Variants in TUSC3 observed in about 807,000 individuals in gnomAD.
TUSC3 encodes tumor suppressor candidate 3.
In TUSC3, 45 loss-of-function variants were observed where a neutral mutation model predicts 44.8. The ratio of observed to expected loss-of-function variants is 1.00; its 90% CI spans 0.79 to 1.29. The LOEUF (loss-of-function observed/expected upper bound fraction) is 1.29. Among genes scored for constraint, TUSC3 ranks in the 50% most tolerant of loss-of-function variants. TUSC3 has a pLI of 0.00. For synonymous variants in TUSC3, 212 were observed against 152.9 expected (o/e 1.39, Z -2.85); for missense variants, 519 against 437.9 (o/e 1.19, Z -1.65).
intron 8 of TUSC3, among the ~76,000 whole-genome samples, chr8:15,745,113 A>C (rs373461143): frequency 6.6e-6 from 1 of 151,956 alleles, no homozygotes; most frequent in African/African-American, 2.4e-5. Context: ...GATGTAAAGG[A>C]GATGATTTTG....
intron 2 of TUSC3, among the ~76,000 whole-genome samples, chr8:15,534,372 G>A (rs557556505): frequency 3.3e-5 from 5 of 152,122 alleles, no homozygotes; most frequent in Non-Finnish European, 7.4e-5. Flanking sequence ...GGCTGGGCGC[G>A]GTGACGCACA....
the TUSC3 span, among the ~76,000 whole-genome samples, chr8:15,820,985 T>G: frequency 1.1e-4 from 16 of 152,194 alleles, no homozygotes. Flanking sequence ...CTTTTGTTAC[T>G]CTTAACAAAA....
intron 1 of TUSC3, among the ~76,000 whole-genome samples, chr8:15,417,976 C>A (rs1433393884): frequency 1.3e-5 from 2 of 152,172 alleles, no homozygotes; most frequent in African/African-American, 2.4e-5. Flanking sequence ...TAAAACTCTA[C>A]ATGCCTGGGA....
At chr8:15,421,934 A>C (rs999897476) in intron 1 of TUSC3, among the ~76,000 whole-genome samples, 1 of 152,160 alleles carries the variant, frequency 6.6e-6, no homozygotes, top group Non-Finnish European at 1.5e-5. Flanking sequence ...TTCTTTTAAA[A>C]AATCACTGCC....
the TUSC3 span, among the ~76,000 whole-genome samples, chr8:15,773,653 A>G: frequency 6.6e-6 from 1 of 152,294 alleles, no homozygotes; most frequent in South Asian, 2.1e-4. Flanking sequence ...AACCAAGTTG[A>G]AAGACTCACA....
chr8:15,667,443 G>A (rs1807716663), intron 5 of TUSC3, among the ~76,000 whole-genome samples: 1 of 151,602 alleles, frequency 6.6e-6, no homozygotes, highest in African/African-American at 2.4e-5. Flanking sequence ...CATGTCTGCT[G>A]TTACTCTGCT....
chr8:15,499,583 A>C (rs1045272024), intron 2 of TUSC3, among the ~76,000 whole-genome samples: 7 of 152,222 alleles, frequency 4.6e-5, no homozygotes, highest in African/African-American at 9.6e-5. Context: ...AACATAATTT[A>C]TAATCCAATG....
chr8:15,660,578 A>G (rs1256241640), intron 4 of TUSC3, among the ~76,000 whole-genome samples: 2 of 151,964 alleles, frequency 1.3e-5, no homozygotes. Flanking sequence ...GCAGTAATAC[A>G]GAAGCATTAA....
intron 1 of TUSC3, among the ~76,000 whole-genome samples, chr8:15,439,013 C>G (rs769377855): frequency 8.5e-5 from 13 of 152,172 alleles, no homozygotes; most frequent in Non-Finnish European, 1.5e-4. Context: ...TCTATACCCT[C>G]TGACCGGAAG....
At chr8:15,675,830 A>G (rs1393619613) in intron 6 of TUSC3, among the ~76,000 whole-genome samples, 1 of 152,068 alleles carries the variant, frequency 6.6e-6, no homozygotes, top group Non-Finnish European at 1.5e-5. Context: ...TTCTTTATCC[A>G]CACTGTGGAT....
At chr8:15,736,179 T>G (rs1811476592) in intron 7 of TUSC3, among the ~76,000 whole-genome samples, 1 of 152,168 alleles carries the variant, frequency 6.6e-6, no homozygotes, top group Non-Finnish European at 1.5e-5. Context: ...TCACAAAACC[T>G]GACAAGATGT....
chr8:15,659,863 A>G (rs976817661), intron 4 of TUSC3, among the ~76,000 whole-genome samples: 1 of 152,130 alleles, frequency 6.6e-6, no homozygotes, highest in Admixed American at 6.6e-5. Flanking sequence ...AAAGCCATTA[A>G]AAATACAGGA....
intron 5 of TUSC3, among the ~76,000 whole-genome samples, chr8:15,663,328 T>C (rs1807510502): frequency 6.6e-6 from 1 of 151,808 alleles, no homozygotes; most frequent in Admixed American, 6.6e-5. Flanking sequence ...ATATTAAAGA[T>C]ATAACTACAT....
intron 6 of TUSC3, among the ~76,000 whole-genome samples, chr8:15,683,409 T>A (rs1808502328): frequency 6.6e-6 from 1 of 152,104 alleles, no homozygotes; most frequent in Non-Finnish European, 1.5e-5. Context: ...GCTCTGAAAT[T>A]GTTTCTTCTG....
chr8:15,633,355 G>T (rs1431750589), intron 2 of TUSC3, among the ~76,000 whole-genome samples: 3 of 152,132 alleles, frequency 2.0e-5, no homozygotes, highest in East Asian at 3.9e-4. Flanking sequence ...GGCTGAAGTG[G>T]TATTATTGAT....
At chr8:15,554,036 G>C (rs1474326683) in intron 1 of TUSC3, among the ~76,000 whole-genome samples, 1 of 151,482 alleles carries the variant, frequency 6.6e-6, no homozygotes, top group African/African-American at 2.4e-5. Flanking sequence ...CCAAGATCAA[G>C]GTGACCTCAG....
intron 7 of TUSC3, among the ~76,000 whole-genome samples, chr8:15,737,067 AT>A (rs1350346433): frequency 1.3e-5 from 2 of 151,986 alleles, no homozygotes; most frequent in Non-Finnish European, 2.9e-5. Flanking sequence ...TGAGCAAAAC[AT>A]TTTTTCCATT....
At chr8:15,676,319 GTTAT>G (rs901722057) in intron 6 of TUSC3, among the ~76,000 whole-genome samples, 7 of 151,974 alleles carry the variant, frequency 4.6e-5, no homozygotes, top group Admixed American at 2.0e-4. Context: ...TTTTAATGGG[GTTAT>G]TTATTTTCTG....
chr8:15,494,371 G>A (rs1800851269), intron 2 of TUSC3, among the ~76,000 whole-genome samples: 1 of 148,198 alleles, frequency 6.7e-6, no homozygotes, highest in Non-Finnish European at 1.5e-5. Flanking sequence ...AGGCTGGAGT[G>A]CAGTGGCGCG....
Sources: allele counts gnomAD v4.1 joint callset (sites outside exome capture counted in the v4.1 genomes callset), GRCh38; gene constraint gnomAD v4.1.1; transcripts MANE v1.5; gene names NCBI Gene and HGNC (gene_info 2026-07-23, HGNC 2026-07-21).